Variants in TMEM232 observed in about 807,000 individuals in gnomAD.
TMEM232 encodes transmembrane protein 232.
TMEM232 carries 80 observed loss-of-function variants against 78.8 expected under a neutral mutation model. The ratio of observed to expected loss-of-function variants is 1.01; its 90% confidence interval spans 0.85 to 1.22. TMEM232 has a LOEUF of 1.22. Ranked by LOEUF, TMEM232 falls within the 50% of genes most tolerant of loss-of-function variation. TMEM232 has a pLI of 0.00. For missense variants in TMEM232, 881 were observed against 742.2 expected (o/e 1.19, Z -2.17); for synonymous variants, 297 against 254.3 (o/e 1.17, Z -1.60).
chr5:110,584,155 T>G (rs1204435246), intron 10 of TMEM232, among the ~76,000 whole-genome samples: 1 of 151,896 alleles, frequency 6.6e-6, no homozygotes, highest in Non-Finnish European at 1.5e-5. Flanking sequence ...TGGATATTGA[T>G]CCAAAGGAAT....
At chr5:110,464,301 A>T (rs12658869) in intron 12 of TMEM232, among the ~76,000 whole-genome samples, 25,207 of 152,146 alleles carry the variant, frequency 0.17, 2,763 homozygotes, top group East Asian at 0.42. Flanking sequence ...CTACAAAATA[A>T]AGTCTTGTAT....
At chr5:110,620,622 TCTCTCTCTCTCTCTCTCCTCTCTC>T in intron 7 of TMEM232, among the ~76,000 whole-genome samples, 1 of 114,340 alleles carries the variant, frequency 8.7e-6, no homozygotes, top group African/African-American at 3.9e-5. Flanking sequence ...TCTCTCTCTC[TCTCTCTCTCTCTCTCTCCTCTCTC>T]CTCTCTCTCT....
chr5:110,494,535 G>A (rs1224245169), intron 12 of TMEM232, among the ~76,000 whole-genome samples: 3 of 151,996 alleles, frequency 2.0e-5, no homozygotes, highest in African/African-American at 7.2e-5. Flanking sequence ...GTGCAGGGAG[G>A]GAAATAGCAT....
rs1400513940 is a variant in TMEM232, at chr5:110,477,130, A to G, written c.1703+51458T>C. Among the ~76,000 whole-genome samples, 6 of 152,130 alleles carry G rather than the reference A, an allele frequency of 3.9e-5. No homozygotes were observed. In the South Asian group the frequency reaches 8.3e-4, roughly 21 times the overall value. On this transcript the variant is annotated intron_variant, in intron 12 of 13. Coordinates refer to ENST00000455884, the MANE Select transcript of TMEM232 (RefSeq NM_001039763.4). ...GAACTGGCATTGCTAAATGAAACAC[A>G]TTATTCTAAACATATTCAACTGAAT...
At chr5:110,724,963 G>C (rs998117391) in intron 1 of TMEM232, among the ~76,000 whole-genome samples, 2 of 152,036 alleles carry the variant, frequency 1.3e-5, no homozygotes, top group Non-Finnish European at 2.9e-5. Flanking sequence ...CGCAATGAAA[G>C]TAATAGGAAT....
Position 110,561,059 on chromosome 5 carries a change from G to A in TMEM232, c.1455+7388C>T, listed in dbSNP as rs546461141. Among the ~76,000 whole-genome samples the A allele has an allele frequency of 6.6e-5, 10 of 152,198 alleles. No homozygotes were observed. The South Asian group carries it at 1.0e-3, about 16-fold the overall frequency. The stretch of plus-strand genomic sequence containing the variant: ...GTAAGGAAGTATAATGAAGCCAGAA[G>A]CAAAATTATTACATAAAATTTATGT... On this transcript the variant is annotated intron_variant, in intron 11 of 13. Transcript: ENST00000455884.
chr5:110,654,781 C>G, intron 2 of TMEM232, among the ~76,000 whole-genome samples: 1 of 152,144 alleles, frequency 6.6e-6, no homozygotes, highest in South Asian at 2.1e-4. Flanking sequence ...TACCCATGAG[C>G]ATGGAATGTT....
chr5:110,463,295 C>T (rs1761732262), intron 12 of TMEM232, among the ~76,000 whole-genome samples: 1 of 152,146 alleles, frequency 6.6e-6, no homozygotes, highest in African/African-American at 2.4e-5. Flanking sequence ...TGATTGTTAG[C>T]ATTTTTTAAC....
chr5:110,513,581 T>C (rs1239823407), intron 12 of TMEM232, among the ~76,000 whole-genome samples: 2 of 152,014 alleles, frequency 1.3e-5, no homozygotes, highest in Admixed American at 6.6e-5. Flanking sequence ...CAGACAAGTA[T>C]ACGAAAATGT....
At chr5:110,456,431 T>C (rs994739493) in intron 12 of TMEM232, among the ~76,000 whole-genome samples, 3 of 152,114 alleles carry the variant, frequency 2.0e-5, no homozygotes, top group Admixed American at 6.5e-5. Context: ...ACAGTGTTCA[T>C]GAATTGAAGG....
chr5:110,701,616 C>A (rs1347705480), intron 1 of TMEM232, among the ~76,000 whole-genome samples: 1 of 152,002 alleles, frequency 6.6e-6, no homozygotes, highest in East Asian at 1.9e-4. Flanking sequence ...ACATATGTTT[C>A]TTTAGCATAC....
chr5:110,738,074 C>A, exon 1 of TMEM232: 1 of 339,852 alleles, frequency 2.9e-6, no homozygotes, highest in Non-Finnish European at 5.1e-6. Flanking sequence ...TTATCACTCT[C>A]AATCAAGGTT....
intron 2 of TMEM232, among the ~76,000 whole-genome samples, chr5:110,647,136 A>G (rs1787610905): frequency 6.6e-6 from 1 of 151,934 alleles, no homozygotes; most frequent in Non-Finnish European, 1.5e-5. Flanking sequence ...CAAGCATTGT[A>G]TGTGTACAAA....
chr5:110,458,613 A>C (rs1251413167), intron 12 of TMEM232, among the ~76,000 whole-genome samples: 1 of 152,154 alleles, frequency 6.6e-6, no homozygotes, highest in Non-Finnish European at 1.5e-5. Flanking sequence ...CCTAGCAACT[A>C]ATCTCATGGA....
chr5:110,548,814 T>C (rs2149605154), intron 11 of TMEM232, among the ~76,000 whole-genome samples: 1 of 152,250 alleles, frequency 6.6e-6, no homozygotes, highest in East Asian at 1.9e-4. Context: ...ATATACCATA[T>C]TAACATGAAC....
chr5:110,393,503 A>G (rs1351027747), intron 3 of TMEM232, among the ~76,000 whole-genome samples: 1 of 151,794 alleles, frequency 6.6e-6, no homozygotes, highest in African/African-American at 2.4e-5. Flanking sequence ...CATCTCTTTT[A>G]TTTTTAGCCT....
In TMEM232 at chr5:110,441,818, C is replaced by A. The variant is rs1171694269; in HGVS notation, c.1704-16902G>T. Among the ~76,000 whole-genome samples, 5 of 152,220 alleles carry A rather than the reference C, an allele frequency of 3.3e-5. 1 individual carries two copies. The East Asian group carries it at 7.7e-4, about 24-fold the overall frequency. On this transcript the variant is annotated intron_variant, in intron 12 of 13. Coordinates refer to ENST00000455884, the MANE Select transcript of TMEM232 (RefSeq NM_001039763.4). ...ATTTATAACTAACTAAATAACCACC[C>A]CAGTTTTACTGGGATGGTCCTCATT... is the stretch of plus-strand genomic sequence containing the variant.
intron 12 of TMEM232, among the ~76,000 whole-genome samples, chr5:110,528,320 G>T (rs1256759195): frequency 6.6e-6 from 1 of 151,604 alleles, no homozygotes; most frequent in Non-Finnish European, 1.5e-5. Flanking sequence ...GAATGATTTG[G>T]TTTCTGTTTT....
intron 1 of TMEM232, among the ~76,000 whole-genome samples, chr5:110,702,034 T>G (rs1795485455): frequency 6.6e-6 from 1 of 150,992 alleles, no homozygotes; most frequent in Admixed American, 6.6e-5. Flanking sequence ...CTAAGGGGGG[T>G]TTTAGGTTTA....
Sources: allele counts gnomAD v4.1 joint callset (sites outside exome capture counted in the v4.1 genomes callset), GRCh38; gene constraint gnomAD v4.1.1; transcripts MANE v1.5; gene names NCBI Gene and HGNC (gene_info 2026-07-23, HGNC 2026-07-21).